The following LRRTM4 variants were observed in gnomAD, a reference collection of about 807,000 sequenced individuals.
LRRTM4 encodes the protein leucine-rich repeat transmembrane neuronal protein 4.
A neutral mutation model predicts 47.6 loss-of-function variants in LRRTM4; 25 were observed. The ratio of observed to expected loss-of-function variants is 0.53; its 90% CI spans 0.38 to 0.73. LRRTM4 has a LOEUF of 0.73. LRRTM4 is among the 30% of genes least tolerant of loss of function. The pLI is 0.00. For missense variants in LRRTM4, 638 were observed against 713.4 expected, an observed-to-expected ratio of 0.89 and a Z score of 1.20; for synonymous variants, 311 against 269.5, an observed-to-expected ratio of 1.15 and a Z score of -1.51.
intron 3 of LRRTM4, among the ~76,000 whole-genome samples, chr2:77,164,677 C>G (rs539731897): frequency 2.0e-5 from 3 of 152,304 alleles, no homozygotes; most frequent in East Asian, 3.9e-4. Context: ...AACCGCTCAA[C>G]TGCATAGAAA....
At chr2:76,969,473 G>C (rs952392502) in intron 3 of LRRTM4, among the ~76,000 whole-genome samples, 6 of 151,818 alleles carry the variant, frequency 4.0e-5, no homozygotes, top group African/African-American at 1.4e-4. Context: ...TCTAACTTTA[G>C]AGAAATTTTA....
At chr2:77,093,724 G>A (rs909540055) in intron 3 of LRRTM4, among the ~76,000 whole-genome samples, 18 of 151,738 alleles carry the variant, frequency 1.2e-4, no homozygotes, top group East Asian at 5.8e-4. Context: ...GCACATATAC[G>A]CCCAGATGGC....
chr2:76,772,790 T>C (rs939547856), intron 3 of LRRTM4: 8 of 151,080 alleles, frequency 5.3e-5, no homozygotes, highest in African/African-American at 1.5e-4. Flanking sequence ...TCTGTTGTTA[T>C]AGTTGTTTTA....
intron 3 of LRRTM4, among the ~76,000 whole-genome samples, chr2:77,030,171 G>T (rs915906051): frequency 1.3e-5 from 2 of 152,172 alleles, no homozygotes; most frequent in Non-Finnish European, 2.9e-5. Context: ...GGTGGCTCAC[G>T]CCTGTAATCC....
At chr2:77,318,000 C>A (rs1488078734) in intron 3 of LRRTM4, among the ~76,000 whole-genome samples, 2 of 99,760 alleles carry the variant, frequency 2.0e-5, no homozygotes, top group African/African-American at 4.3e-5. Context: ...ATTCCTAACA[C>A]TTTTTTTTTT....
intron 3 of LRRTM4, among the ~76,000 whole-genome samples, chr2:76,857,741 A>G (rs1325140149): frequency 6.6e-6 from 1 of 152,168 alleles, no homozygotes; most frequent in African/African-American, 2.4e-5. Flanking sequence ...GGCTTTTATG[A>G]AAGTTTGCTT....
intron 3 of LRRTM4, among the ~76,000 whole-genome samples, chr2:77,186,631 A>C (rs189996883): frequency 4.4e-4 from 67 of 152,292 alleles, no homozygotes; most frequent in African/African-American, 1.5e-3. Context: ...AATGTCATAT[A>C]ATGTCATAAA....
intron 3 of LRRTM4, among the ~76,000 whole-genome samples, chr2:77,229,713 C>G (rs1406139059): frequency 6.6e-6 from 1 of 152,126 alleles, no homozygotes; most frequent in African/African-American, 2.4e-5. Context: ...CCAGACTTAG[C>G]AATAGTAATG....
At chr2:76,852,428 G>A (rs1672025104) in intron 3 of LRRTM4, among the ~76,000 whole-genome samples, 1 of 152,032 alleles carries the variant, frequency 6.6e-6, no homozygotes, top group Non-Finnish European at 1.5e-5. Flanking sequence ...TCCAAATAAA[G>A]TCCCAATCCC....
chr2:77,515,206 A>T (rs1467792907), intron 3 of LRRTM4, among the ~76,000 whole-genome samples: 10 of 151,838 alleles, frequency 6.6e-5, no homozygotes, highest in Non-Finnish European at 1.0e-4. Context: ...TTTCTCTTTT[A>T]TAGATATGAA....
intron 3 of LRRTM4, among the ~76,000 whole-genome samples, chr2:77,292,591 GC>G (rs1676856401): frequency 1.3e-5 from 2 of 150,638 alleles, no homozygotes; most frequent in Admixed American, 6.7e-5. Flanking sequence ...GTAAACTATT[GC>G]AAGAACAAAA....
intron 3 of LRRTM4, among the ~76,000 whole-genome samples, chr2:77,122,509 C>T (rs1018305348): frequency 6.7e-6 from 1 of 149,572 alleles, no homozygotes; most frequent in African/African-American, 2.4e-5. Flanking sequence ...TATACACACA[C>T]ATATATATAA....
intron 3 of LRRTM4, among the ~76,000 whole-genome samples, chr2:76,858,733 C>G (rs189180045): frequency 6.6e-6 from 1 of 152,180 alleles, no homozygotes; most frequent in African/African-American, 2.4e-5. Flanking sequence ...GAAGATTGTA[C>G]TAGCCAGAGA....
intron 3 of LRRTM4, among the ~76,000 whole-genome samples, chr2:76,928,293 T>G (rs1161903987): frequency 2.6e-5 from 4 of 152,192 alleles, no homozygotes; most frequent in South Asian, 4.1e-4. Context: ...TTCTCTCATT[T>G]AAAACATTAA....
At chr2:77,291,231 G>C (rs958778281) in intron 3 of LRRTM4, among the ~76,000 whole-genome samples, 5 of 151,950 alleles carry the variant, frequency 3.3e-5, no homozygotes, top group African/African-American at 1.2e-4. Context: ...CATCTTGGGG[G>C]TTAATAAAAA....
rs1558549406 is a variant in LRRTM4 at position 77,049,123 on chromosome 2, T to TATATATATATATAC, written c.1552-300208_1552-300207insGTATATATATATAT. Among the ~76,000 whole-genome samples the TATATATATATATAC allele has an allele frequency of 4.9e-3, 201 of 40,648 alleles. 7 individuals are homozygous for TATATATATATATAC. The highest frequency in any genetic ancestry group is 0.016 in the African/African-American group (196 of 12,168). The allele number at this position is 40,648 out of a possible 152,430, so 26.7% of individuals were successfully genotyped here. A position where few individuals can be genotyped will look rare whatever the true frequency, so the allele number is the denominator to read the frequency against. ...TTTGACTAAATAATATTTCATTTTT[T>TATATATATATATAC]ATATATATATATATATATATATATA... On this transcript the variant is annotated intron_variant, in intron 3 of 3. Transcript: ENST00000409884.
intron 3 of LRRTM4, among the ~76,000 whole-genome samples, chr2:77,480,295 C>T (rs1677622194): frequency 6.6e-6 from 1 of 152,134 alleles, no homozygotes; most frequent in African/African-American, 2.4e-5. Flanking sequence ...TGCAAAATAT[C>T]TCCAACACGA....
intron 3 of LRRTM4, among the ~76,000 whole-genome samples, chr2:76,754,811 TGAACGTGCTTA>T (rs1429509255): frequency 6.6e-6 from 1 of 152,130 alleles, no homozygotes; most frequent in Non-Finnish European, 1.5e-5. Flanking sequence ...CATTGCCCTG[TGAACGTGCTTA>T]GATTATTTTG....
At chr2:77,152,298 G>A (rs1672450592) in intron 3 of LRRTM4, among the ~76,000 whole-genome samples, 1 of 152,078 alleles carries the variant, frequency 6.6e-6, no homozygotes, top group Non-Finnish European at 1.5e-5. Flanking sequence ...CTACCCACTT[G>A]ATGTGGGAGT....
Sources: gnomAD v4.1 joint callset for allele counts (sites outside exome capture counted in the v4.1 genomes callset) on GRCh38, gnomAD v4.1.1 for gene constraint, MANE v1.5 for transcripts, NCBI Gene and HGNC (gene_info 2026-07-23, HGNC 2026-07-21) for gene names.